The following ERCC4 variants were observed in gnomAD, a reference collection of about 807,000 sequenced individuals.
The protein encoded by ERCC4 is DNA repair endonuclease XPF.
Under a neutral mutation model 76.9 loss-of-function variants are expected in ERCC4, and 65 were observed. That is an observed-to-expected ratio of 0.84 (90% confidence interval 0.69 to 1.04). ERCC4 has a LOEUF of 1.04. ERCC4 is among the 50% of genes least tolerant of loss of function. ERCC4 has a pLI of 0.00. For synonymous variants in ERCC4, 463 were observed against 410.1 expected (o/e 1.13, Z -1.56); for missense variants, 1,214 against 1,128.2 (o/e 1.08, Z -1.09).
chr16:13,926,456 A>G, intron 2 of ERCC4, 105 bp from the exon 3 acceptor site: 1 of 969,998 alleles, frequency 1.0e-6, no homozygotes, highest in South Asian at 1.3e-5. Context: ...TGCCCAGTCT[A>G]GAATGGTGCT....
rs377014538 is a variant in ERCC4, at chr16:13,926,621, G to A, written c.449G>A (p.Arg150His). 1.1e-5 allele frequency: 18 copies of A among 1,613,954 alleles called. No homozygotes were observed. The highest frequency in any genetic ancestry group is 4.5e-5 in the East Asian group (2 of 44,876). The part of the protein sequence containing the change: ...IESCQEAFIL[R>H]LFRQKNKRGF... ...TCTTGTCAAGAAGCATTCATCTTGC[G>A]CCTCTTTCGCCAGAAAAACAAACGT... The change falls in exon 3 of 11, where the codon CGC becomes CAC. Residue 150 changes from arginine (R) to histidine (H), a missense_variant. Arg to His is a conservative substitution (Grantham distance 29, BLOSUM62 0). Coordinates refer to ENST00000311895, the MANE Select transcript of ERCC4 (RefSeq NM_005236.3).
Position 13,922,095 on chromosome 16 carries a change from A to C in ERCC4, c.272A>C (p.Glu91Ala), listed in dbSNP as rs1358279776. The C allele has an allele frequency of 6.2e-7, 1 of 1,613,912 alleles. No individual in the cohort carries two copies. Among genetic ancestry groups the C allele is most frequent in the East Asian group, 2.2e-5 (1 of 44,868 alleles). ...VEHLPRRVTN[E>A]ITSNSRYEVY... ...CACCTCCCTCGCCGTGTAACAAATGAAATCACAAGCAACAGTCGCTATGAA... is the reference window on the plus strand; with the variant it reads ...CACCTCCCTCGCCGTGTAACAAATGCAATCACAAGCAACAGTCGCTATGAA... Residue 91 changes from glutamate to alanine, a missense_variant, in exon 2 of 11, where the codon GAA becomes GCA. Glu to Ala is a moderately radical substitution (Grantham distance 107, BLOSUM62 -1). Transcript: ENST00000311895.
intron 10 of ERCC4, among the ~76,000 whole-genome samples, chr16:13,946,752 G>T (rs1055826842): frequency 6.6e-6 from 1 of 150,526 alleles, no homozygotes; most frequent in African/African-American, 2.5e-5. Context: ...TTTTTTGTTT[G>T]TTTGTTTGTT....
Position 13,948,596 on chromosome 16 carries a change from A to G in ERCC4, c.*249A>G. ...GGCTTAGCATGTTTCTTTTTAAATG[A>G]GGTTTGTCAGGATCAGGTAAAGTTC... is the stretch of plus-strand genomic sequence containing the variant. On this transcript the variant is annotated 3_prime_UTR_variant, in exon 11 of 11. Coordinates refer to ENST00000311895, the MANE Select transcript of ERCC4 (RefSeq NM_005236.3). The G allele has an allele frequency of 2.0e-6, 1 of 502,658 alleles. No individual in the cohort carries two copies. Among genetic ancestry groups the G allele is most frequent in the South Asian group, 2.1e-5 (1 of 46,934 alleles). 31.1% of individuals were successfully genotyped at this position (502,658 alleles called of 1,614,324 possible). A position where few individuals can be genotyped will look rare whatever the true frequency, so the allele number is the denominator to read the frequency against.
rs1260961420 is a variant in ERCC4, at chr16:13,947,915, T to C, written c.2319T>C (p.Gly773=). The change falls in exon 11 of 11, where the codon GGT becomes GGC. Residue 773 remains glycine, a synonymous_variant. Coordinates refer to ENST00000311895, the MANE Select transcript of ERCC4 (RefSeq NM_005236.3). ...PSKPFSLTSR[G]ALFQEISSND... ...AGCCTTTCTCTCTCACTTCCCGAGG[T>C]GCCTTGTTTCAGGAGATCTCCAGCA... 6.2e-7 allele frequency: 1 copy of C among 1,614,120 alleles called. No homozygotes were observed. The highest frequency in any genetic ancestry group is 8.5e-7 in the Non-Finnish European group (1 of 1,180,002).
At chr16:13,924,557 TGG>T (rs1404984856) in intron 2 of ERCC4, among the ~76,000 whole-genome samples, 4 of 152,216 alleles carry the variant, frequency 2.6e-5, no homozygotes, top group Non-Finnish European at 4.4e-5. Context: ...GACAGATGAA[TGG>T]GACAGTATGG....
intron 10 of ERCC4, among the ~76,000 whole-genome samples, chr16:13,946,361 C>T (rs1418601066): frequency 6.6e-6 from 1 of 152,228 alleles, no homozygotes; most frequent in Non-Finnish European, 1.5e-5. Flanking sequence ...TGGCCTATGG[C>T]TCCTGGGCCA....
intron 2 of ERCC4, among the ~76,000 whole-genome samples, chr16:13,926,242 G>A (rs2032069924): frequency 1.3e-5 from 2 of 152,238 alleles, no homozygotes; most frequent in Admixed American, 1.3e-4. Flanking sequence ...AACTCTCTTG[G>A]CCCAGATGGT....
chr16:13,941,948 G>A (rs2032420495), intron 9 of ERCC4, among the ~76,000 whole-genome samples: 1 of 152,226 alleles, frequency 6.6e-6, no homozygotes, highest in Non-Finnish European at 1.5e-5. Flanking sequence ...ACTGGGTGCA[G>A]TGGCTCACGC....
intron 6 of ERCC4, chr16:13,932,490 G>A: frequency 1.6e-6 from 1 of 606,566 alleles, no homozygotes; most frequent in Non-Finnish European, 2.9e-6. Flanking sequence ...GAAGTATACA[G>A]CATGGCAAGT....
At chr16:13,942,283 G>T (rs939023761) in intron 9 of ERCC4, among the ~76,000 whole-genome samples, 1 of 152,090 alleles carries the variant, frequency 6.6e-6, no homozygotes, top group African/African-American at 2.4e-5. Flanking sequence ...TGCTTAGGAA[G>T]GCTTATTTTC....
chr16:13,936,863 G>A (rs1483806937), intron 8 of ERCC4, among the ~76,000 whole-genome samples: 4 of 151,010 alleles, frequency 2.6e-5, no homozygotes, highest in South Asian at 2.1e-4. Context: ...GCTTAATTCA[G>A]CTCTCTTAGC....
intron 8 of ERCC4, among the ~76,000 whole-genome samples, chr16:13,936,247 C>T (rs996632259): frequency 2.0e-5 from 3 of 152,150 alleles, no homozygotes; most frequent in Non-Finnish European, 4.4e-5. Context: ...ACAGAAATAT[C>T]AGATGAGAAA....
rs2141607138 is a variant in ERCC4 at position 13,935,321 on chromosome 16, G to A, written c.1389G>A (p.Arg463=). The change falls in exon 8 of 11, where the codon AGG becomes AGA. Residue 463 remains arginine, a synonymous_variant. Coordinates refer to ENST00000311895, the MANE Select transcript of ERCC4 (RefSeq NM_005236.3). ...FRKEDSSKRI[R]KSHKRPKDPQ... is the part of the protein sequence containing the mutation. ...AGGAAGACAGTTCAAAGAGAATTAG[G>A]AAATCTCACAAAAGACCTAAAGACC... The A allele has an allele frequency of 6.2e-7, 1 of 1,613,790 alleles. No individual in the cohort carries two copies. The highest frequency in any genetic ancestry group is 8.5e-7 in the Non-Finnish European group (1 of 1,179,958).
chr16:13,945,798 A>G (rs1339043148), intron 10 of ERCC4, among the ~76,000 whole-genome samples: 1 of 152,232 alleles, frequency 6.6e-6, no homozygotes, highest in East Asian at 1.9e-4. Flanking sequence ...GAACGACAGA[A>G]TGTAAGGCAG....
Position 13,948,041 on chromosome 16 carries a change from G to T in ERCC4, c.2445G>T (p.Glu815Asp), listed in dbSNP as rs2032555651. The T allele has an allele frequency of 6.2e-7, 1 of 1,614,154 alleles. No individual in the cohort carries two copies. Among genetic ancestry groups the T allele is most frequent in the African/African-American group, 1.3e-5 (1 of 75,034 alleles). ...ATGCAACGGCGGAGTTGTTTGAGGA[G>T]CTGAAACAAAGCAAGCCACAGCCTG... Reference protein sequence around the residue: ...SPHATAELFEELKQSKPQPDA... With the variant: ...SPHATAELFEDLKQSKPQPDA... The change falls in exon 11 of 11, where the codon GAG becomes GAT. Residue 815 changes from glutamate to aspartate, a missense_variant. Physicochemically the swap from Glu to Asp is conservative, Grantham distance 45. Transcript: ENST00000311895.
chr16:13,928,790 A>G (rs2032118174), intron 4 of ERCC4, among the ~76,000 whole-genome samples: 2 of 152,176 alleles, frequency 1.3e-5, no homozygotes, highest in African/African-American at 4.8e-5. Flanking sequence ...ATAGATTAAT[A>G]TTATTACAGA....
intron 8 of ERCC4, among the ~76,000 whole-genome samples, chr16:13,936,873 C>T (rs2032307452): frequency 6.7e-6 from 1 of 149,150 alleles, no homozygotes; most frequent in Non-Finnish European, 1.5e-5. Context: ...GCTCTCTTAG[C>T]AACAAACAAG....
chr16:13,947,579 C>T, intron 10 of ERCC4, 35 bp from the exon 11 acceptor site: 2 of 1,612,168 alleles, frequency 1.2e-6, no homozygotes, highest in Non-Finnish European at 1.7e-6. Context: ...TTTGAGAGTT[C>T]TTCCCCAGTG....
Sources: gnomAD v4.1 joint callset for allele counts (sites outside exome capture counted in the v4.1 genomes callset) on GRCh38, gnomAD v4.1.1 for gene constraint, MANE v1.5 for transcripts, NCBI Gene and HGNC (gene_info 2026-07-23, HGNC 2026-07-21) for gene names.